Variants in DCTPP1 observed in about 807,000 individuals in gnomAD.
The protein encoded by DCTPP1 is XTP3-transactivated gene A protein.
In DCTPP1, 8 loss-of-function variants were observed where a neutral mutation model predicts 8.8. The observed-to-expected ratio is 0.91, with a 90% CI of 0.54 to 1.64. The LOEUF (loss-of-function observed/expected upper bound fraction) is 1.64, where lower values mean the gene tolerates loss of function less well. Among genes scored for constraint, DCTPP1 ranks in the 40% most tolerant of loss-of-function variants. The probability of loss-of-function intolerance (pLI) is 0.00; values close to 1 mark genes in which losing one functional copy is unlikely to be tolerated. For missense variants in DCTPP1, 231 were observed against 230.4 expected, an observed-to-expected ratio of 1.00 and a Z score of -0.02; for synonymous variants, 85 against 92.1, an observed-to-expected ratio of 0.92 and a Z score of 0.44.
chr16:30,424,241 AG>A lies in DCTPP1; in HGVS notation c.504del (p.Ser169GlnfsTer16). On this transcript the variant is annotated frameshift_variant, in exon 3 of 3. Coordinates refer to ENST00000319285, the MANE Select transcript of DCTPP1 (RefSeq NM_024096.2). LOFTEE classifies it high-confidence loss of function. ...ADIPCDSTGQ[T>X]ST ...GTCCTGTGGCCATCTTTCTAGGTTGAGGTCTGGCCTGTGGAGTCACAGGGAA... is the reference window on the plus strand; with the variant it reads ...GTCCTGTGGCCATCTTTCTAGGTTGAGTCTGGCCTGTGGAGTCACAGGGAA... 1 of 1,613,304 alleles carries A rather than the reference AG, an allele frequency of 6.2e-7. No homozygotes were observed. The highest frequency in any genetic ancestry group is 2.2e-5 in the East Asian group (1 of 44,864).
intron 2 of DCTPP1, 85 bp from the exon 3 acceptor site, chr16:30,424,618 C>T: frequency 3.9e-6 from 6 of 1,519,382 alleles, no homozygotes; most frequent in Non-Finnish European, 5.3e-6. Context: ...TAACACCCAC[C>T]TCCAAGGACG....
At chr16:30,425,041 C>T (rs535690131) in intron 2 of DCTPP1, among the ~76,000 whole-genome samples, 35 of 152,252 alleles carry the variant, frequency 2.3e-4, no homozygotes, top group African/African-American at 7.2e-4. Flanking sequence ...CCGCCATGCC[C>T]GGCTAATTTT....
At chr16:30,427,386 A>G (rs896882691) in intron 2 of DCTPP1, among the ~76,000 whole-genome samples, 5 of 139,978 alleles carry the variant, frequency 3.6e-5, no homozygotes, top group Non-Finnish European at 7.8e-5. Flanking sequence ...GATCTTGGCT[A>G]ACTGCAGTCT....
intron 2 of DCTPP1, among the ~76,000 whole-genome samples, chr16:30,426,633 G>A (rs1009322597): frequency 2.6e-5 from 4 of 151,884 alleles, no homozygotes; most frequent in South Asian, 2.1e-4. Flanking sequence ...GACCACACCC[G>A]GCTAATTTTT....
intron 1 of DCTPP1, 149 bp from the exon 2 acceptor site, chr16:30,429,316 C>T: frequency 1.4e-6 from 1 of 720,828 alleles, no homozygotes; most frequent in Non-Finnish European, 2.1e-6. Context: ...CAGGTCATTT[C>T]CTCTTTCCGG....
intron 2 of DCTPP1, among the ~76,000 whole-genome samples, chr16:30,424,767 A>G (rs1030030248): frequency 3.3e-5 from 5 of 152,220 alleles, no homozygotes; most frequent in Non-Finnish European, 7.3e-5. Flanking sequence ...TTTGAGGCCC[A>G]ATTCTAATTC....
Position 30,429,037 on chromosome 16 carries a change from G to C in DCTPP1, c.212+20C>G. The C allele has an allele frequency of 6.2e-7, 1 of 1,609,814 alleles. No individual in the cohort carries two copies. On this transcript the variant is annotated intron_variant, in intron 2 of 2. Coordinates refer to ENST00000319285, the MANE Select transcript of DCTPP1 (RefSeq NM_024096.2). ...TCCCCCACAACTCAGACTCTACCAG[G>C]AAGCTTTCCATCTACTCACAAGAGT...
Position 30,424,245 on chromosome 16 carries a change from C to G in DCTPP1, c.501G>C (p.Gln167His). Residue 167 changes from glutamine to histidine, a missense_variant, in exon 3 of 3, where the codon CAG becomes CAC. By Grantham distance (24) the Gln-to-His change is conservative (BLOSUM62 0). Transcript: ENST00000319285. ...TGTGGCCATCTTTCTAGGTTGAGGT[C>G]TGGCCTGTGGAGTCACAGGGAATGT... ...PADIPCDSTG[Q>H]TST 1.2e-6 allele frequency: 2 copies of G among 1,614,040 alleles called. No homozygotes were observed. The highest frequency in any genetic ancestry group is 2.2e-5 in the South Asian group (2 of 91,048).
At chr16:30,428,598 C>T (rs1359313589) in intron 2 of DCTPP1, among the ~76,000 whole-genome samples, 5 of 152,122 alleles carry the variant, frequency 3.3e-5, no homozygotes, top group Middle Eastern at 3.4e-3. Flanking sequence ...GGTGAAACCC[C>T]GTCTCCACTA....
Position 30,424,126 on chromosome 16 carries a change from C to A in DCTPP1, c.*107G>T, listed in dbSNP as rs1399717935. ...GGCCTCAGACCTCAAGAAGTGGAGG[C>A]CTCAGGCCCATGATCTATTCTGAAA... On this transcript the variant is annotated 3_prime_UTR_variant, in exon 3 of 3. Transcript: ENST00000319285. 7.4e-7 allele frequency: 1 copy of A among 1,344,722 alleles called. No homozygotes were observed. Among genetic ancestry groups the A allele is most frequent in the East Asian group, 2.5e-5 (1 of 40,210 alleles). The allele number at this position is 1,344,722 out of a possible 1,614,324, so 83.3% of individuals were successfully genotyped here.
chr16:30,426,825 G>A (rs1254770669), intron 2 of DCTPP1, among the ~76,000 whole-genome samples: 2 of 151,666 alleles, frequency 1.3e-5, no homozygotes, highest in Non-Finnish European at 2.9e-5. Flanking sequence ...TCAGCCTCAC[G>A]AGTAGCTGGG....
chr16:30,427,996 TA>T (rs754078272), intron 2 of DCTPP1, among the ~76,000 whole-genome samples: 89 of 151,980 alleles, frequency 5.9e-4, no homozygotes, highest in Non-Finnish European at 1.0e-3. Context: ...CCTTTTCTCT[TA>T]AAAAAATGAC....
At chr16:30,427,621 T>G (rs1195236489) in intron 2 of DCTPP1, among the ~76,000 whole-genome samples, 1 of 152,228 alleles carries the variant, frequency 6.6e-6, no homozygotes, top group Non-Finnish European at 1.5e-5. Flanking sequence ...CTCCTTCCAC[T>G]GTGAAGGTGG....
In DCTPP1 at chr16:30,424,006, C is replaced by A. The variant is rs2050177984; in HGVS notation, c.*227G>T. ...CGTCATCACCTGCTGAGACAGAGAG[C>A]CTCCCTGGCCATCCAGGAATAATCT... is the stretch of plus-strand genomic sequence containing the variant. On this transcript the variant is annotated 3_prime_UTR_variant, in exon 3 of 3. Transcript: ENST00000319285. 1 of 566,908 alleles carries A rather than the reference C, an allele frequency of 1.8e-6. No individual in the cohort carries two copies. Among genetic ancestry groups the A allele is most frequent in the African/African-American group, 1.9e-5 (1 of 53,338 alleles). 35.1% of individuals were successfully genotyped at this position (566,908 alleles called of 1,614,324 possible).
chr16:30,426,404 T>G (rs902678347), intron 2 of DCTPP1, among the ~76,000 whole-genome samples: 1 of 151,876 alleles, frequency 6.6e-6, no homozygotes, highest in Non-Finnish European at 1.5e-5. Context: ...CTCGATCTCC[T>G]GACCTCATGA....
At chr16:30,429,710 C>G in intron 1 of DCTPP1, 170 bp downstream of exon 1, 1 of 615,994 alleles carries the variant, frequency 1.6e-6, no homozygotes, top group Non-Finnish European at 2.7e-6. Flanking sequence ...AGGTGTGCAC[C>G]GCTGCGCCCA....
intron 2 of DCTPP1, among the ~76,000 whole-genome samples, chr16:30,427,512 C>T (rs2050201314): frequency 6.6e-6 from 1 of 152,182 alleles, no homozygotes; most frequent in Admixed American, 6.5e-5. Flanking sequence ...AGGGTTTCAC[C>T]ATGTTGGCCA....
rs1296169674 is a variant in DCTPP1 at position 30,429,924 on chromosome 16, AGCAGCAGTGTCC to A, written c.45_56del (p.Glu15_Ala19delinsAsp). On this transcript the variant is annotated inframe_deletion, in exon 1 of 3. Coordinates refer to ENST00000319285, the MANE Select transcript of DCTPP1 (RefSeq NM_024096.2). ...CCGGGCTGAAGCTGAACCGGCCGGG[AGCAGCAGTGTCC>A]TCTCCCCCCGTGTCCCCACGAATCT... 6.3e-7 allele frequency: 1 copy of A among 1,594,114 alleles called. No individual in the cohort carries two copies. The highest frequency in any genetic ancestry group is 1.7e-5 in the Admixed American group (1 of 58,156).
Position 30,424,254 on chromosome 16 carries a change from G to A in DCTPP1, c.492C>T (p.Ser164=), listed in dbSNP as rs766374391. 6.2e-7 allele frequency: 1 copy of A among 1,614,180 alleles called. No individual in the cohort carries two copies. Among genetic ancestry groups the A allele is most frequent in the Non-Finnish European group, 8.5e-7 (1 of 1,180,028 alleles). The part of the protein sequence containing the change: ...AVGPADIPCD[S]TGQTST ...CTTTCTAGGTTGAGGTCTGGCCTGT[G>A]GAGTCACAGGGAATGTCCGCAGGCC... The change falls in exon 3 of 3, where the codon TCC becomes TCT. Residue 164 remains serine, a synonymous_variant. Coordinates refer to ENST00000319285, the MANE Select transcript of DCTPP1 (RefSeq NM_024096.2).
Sources: gnomAD v4.1 joint callset for allele counts (sites outside exome capture counted in the v4.1 genomes callset) on GRCh38, gnomAD v4.1.1 for gene constraint, MANE v1.5 for transcripts, NCBI Gene and HGNC (gene_info 2026-07-23, HGNC 2026-07-21) for gene names.